The following BTNL8 variants were observed in gnomAD, a reference collection of about 807,000 sequenced individuals.
BTNL8 encodes the protein butyrophilin like 8.
A neutral mutation model predicts 36.1 loss-of-function variants in BTNL8; 22 were observed. The ratio of observed to expected loss-of-function variants is 0.61; its 90% CI spans 0.44 to 0.87. The LOEUF (loss-of-function observed/expected upper bound fraction) is 0.87. Among genes scored for constraint, BTNL8 ranks in the 40% least tolerant of loss-of-function variants. The probability of loss-of-function intolerance (pLI) is 0.00; values close to 1 mark genes in which losing one functional copy is unlikely to be tolerated. For synonymous variants in BTNL8, 203 were observed against 235.6 expected (o/e 0.86, Z 1.27); for missense variants, 526 against 616.9 (o/e 0.85, Z 1.56).
At chr5:180,907,856 T>G (rs1399141682) in intron 1 of BTNL8, among the ~76,000 whole-genome samples, 46 of 150,486 alleles carry the variant, frequency 3.1e-4, no homozygotes, top group Non-Finnish European at 3.7e-4. Context: ...GGGACTCACT[T>G]GAGGAGGCAG....
intron 1 of BTNL8, among the ~76,000 whole-genome samples, chr5:180,902,145 A>C (rs1483195514): frequency 6.6e-6 from 1 of 151,920 alleles, no homozygotes; most frequent in Non-Finnish European, 1.5e-5. Context: ...AAAGACGTCA[A>C]CTTTGGTTTT....
At chr5:180,947,785 AT>A (rs746162554) in intron 4 of BTNL8, 160 bp downstream of exon 4, 1 of 1,604,918 alleles carries the variant, frequency 6.2e-7, no homozygotes, top group Non-Finnish European at 8.5e-7. Flanking sequence ...GTATTCTAAC[AT>A]CTCTTCCTCT....
At chr5:180,900,452 T>A (rs1756777615) in intron 1 of BTNL8, among the ~76,000 whole-genome samples, 1 of 152,100 alleles carries the variant, frequency 6.6e-6, no homozygotes, top group Admixed American at 6.6e-5. Context: ...GCAGCAACAG[T>A]CTTGTTCCTT....
intron 3 of BTNL8, among the ~76,000 whole-genome samples, chr5:180,931,901 G>A (rs574684882): frequency 6.6e-5 from 10 of 152,246 alleles, no homozygotes; most frequent in East Asian, 1.9e-4. Context: ...ACAGTGTGGC[G>A]ATTCCTCAAG....
chr5:180,912,295 C>T (rs1757436685), intron 3 of BTNL8, among the ~76,000 whole-genome samples: 1 of 152,152 alleles, frequency 6.6e-6, no homozygotes, highest in Admixed American at 6.5e-5. Context: ...ATTGCTGACT[C>T]ACCCATGAGT....
intron 3 of BTNL8, among the ~76,000 whole-genome samples, chr5:180,937,250 G>A (rs142964321): frequency 6.6e-6 from 1 of 152,308 alleles, no homozygotes; most frequent in Non-Finnish European, 1.5e-5. Context: ...GGGACCAAGT[G>A]ACCAGTGGAG....
chr5:180,934,564 T>C (rs1758556679), intron 3 of BTNL8, among the ~76,000 whole-genome samples: 1 of 152,150 alleles, frequency 6.6e-6, no homozygotes, highest in Admixed American at 6.5e-5. Context: ...CTGGCTGCTG[T>C]GGTGGAGCAG....
intron 1 of BTNL8, among the ~76,000 whole-genome samples, 165 bp from the exon 2 acceptor site, chr5:180,908,421 A>C (rs1757214551): frequency 6.6e-6 from 1 of 152,078 alleles, no homozygotes; most frequent in African/African-American, 2.4e-5. Context: ...GGCACTCCCT[A>C]GTGAGATGAA....
At chr5:180,902,409 A>G in intron 1 of BTNL8, 1 of 1,549,870 alleles carries the variant, frequency 6.5e-7, no homozygotes, top group South Asian at 1.2e-5. Context: ...AAGGAGATAC[A>G]CAAATGCAAG....
intron 1 of BTNL8, among the ~76,000 whole-genome samples, chr5:180,905,189 T>C (rs943262837): frequency 2.1e-4 from 32 of 151,392 alleles, no homozygotes; most frequent in African/African-American, 7.8e-4. Context: ...TATTGATTAT[T>C]GCCACAATTT....
intron 3 of BTNL8, among the ~76,000 whole-genome samples, chr5:180,914,212 T>C (rs930354860): frequency 6.6e-6 from 1 of 152,198 alleles, no homozygotes; most frequent in Non-Finnish European, 1.5e-5. Flanking sequence ...TAGTGCCTTA[T>C]AAAAGGATTT....
intron 3 of BTNL8, among the ~76,000 whole-genome samples, chr5:180,928,196 A>C (rs894343450): frequency 2.6e-5 from 4 of 152,244 alleles, no homozygotes; most frequent in African/African-American, 9.6e-5. Flanking sequence ...TCTTAAAGAA[A>C]TGGATTTTCA....
chr5:180,941,914 T>TTTTTTTTTTTTTTGAG (rs1281454934), intron 3 of BTNL8, among the ~76,000 whole-genome samples: 3 of 150,868 alleles, frequency 2.0e-5, no homozygotes, highest in African/African-American at 7.4e-5. Flanking sequence ...TTACTACTCT[T>TTTTTTTTTTTTTTGAG]ATTCAACAAA....
intron 3 of BTNL8, among the ~76,000 whole-genome samples, chr5:180,941,264 C>G (rs1758937438): frequency 6.6e-6 from 1 of 152,094 alleles, no homozygotes; most frequent in Non-Finnish European, 1.5e-5. Flanking sequence ...ACTAGAAAAC[C>G]TAATCAGACT....
At chr5:180,942,910 A>G (rs895614477) in intron 3 of BTNL8, among the ~76,000 whole-genome samples, 3 of 152,118 alleles carry the variant, frequency 2.0e-5, no homozygotes, top group Admixed American at 2.0e-4. Context: ...TCAAAACCAC[A>G]GACAATAAAA....
At chr5:180,918,524 C>G (rs1045682950) in intron 3 of BTNL8, among the ~76,000 whole-genome samples, 9 of 152,214 alleles carry the variant, frequency 5.9e-5, no homozygotes, top group Non-Finnish European at 8.8e-5. Context: ...TAATAAAGAT[C>G]ACATATGTGT....
At chr5:180,938,515 T>TCTTC (rs1223061050) in intron 3 of BTNL8, among the ~76,000 whole-genome samples, 96 of 151,038 alleles carry the variant, frequency 6.4e-4, no homozygotes, top group East Asian at 9.7e-4. Flanking sequence ...TTTCTTTCCT[T>TCTTC]CTTCCTTCCT....
chr5:180,913,155 T>A (rs1312450461), intron 3 of BTNL8, among the ~76,000 whole-genome samples: 1 of 152,160 alleles, frequency 6.6e-6, no homozygotes, highest in Non-Finnish European at 1.5e-5. Context: ...GAAATGGGGA[T>A]GTATGGGAAG....
In BTNL8 at chr5:180,949,260, A is replaced by G; in HGVS notation, c.857A>G (p.His286Arg). 1 of 1,460,682 alleles carries G rather than the reference A, an allele frequency of 6.8e-7. No homozygotes were observed. Among genetic ancestry groups the G allele is most frequent in the Non-Finnish European group, 9.5e-7 (1 of 1,058,178 alleles). 90.5% of individuals were successfully genotyped at this position (1,460,682 alleles called of 1,614,324 possible). A position where few individuals can be genotyped will look rare whatever the true frequency, so the allele number is the denominator to read the frequency against. Reference sequence around the variant, plus strand: ...TCAGAATTGAGAGACGCCCGGAAACACGCAGGTACCAACGCCTGAGAGGGT... The same window carrying G: ...TCAGAATTGAGAGACGCCCGGAAACGCGCAGGTACCAACGCCTGAGAGGGT... The part of the protein sequence containing the change: ...GQAELRDARK[H>R]AVEVTLDPET... Residue 286 changes from histidine to arginine, a missense_variant, in exon 7 of 8, where the codon CAC becomes CGC. Coordinates refer to ENST00000340184, the MANE Select transcript of BTNL8 (RefSeq NM_001040462.3).
Sources: gnomAD v4.1 joint callset for allele counts (sites outside exome capture counted in the v4.1 genomes callset) on GRCh38, gnomAD v4.1.1 for gene constraint, MANE v1.5 for transcripts, NCBI Gene and HGNC (gene_info 2026-07-23, HGNC 2026-07-21) for gene names.